The following PRUNE2 variants were observed in gnomAD, a reference collection of about 807,000 sequenced individuals.
The protein encoded by PRUNE2 is prune homolog 2 with BCH domain.
In PRUNE2, 164 loss-of-function variants were observed where a neutral mutation model predicts 252.0. That is an observed-to-expected ratio of 0.65 (90% CI 0.57 to 0.74). The LOEUF is 0.74. PRUNE2 is among the 30% of genes least tolerant of loss of function. The pLI is 0.00. For missense variants in PRUNE2, 3,495 were observed against 3,711.0 expected, an observed-to-expected ratio of 0.94 and a Z score of 1.51; for synonymous variants, 1,292 against 1,350.2, an observed-to-expected ratio of 0.96 and a Z score of 0.94.
At chr9:76,802,916 C>A (rs981063709) in intron 6 of PRUNE2, among the ~76,000 whole-genome samples, 1 of 152,132 alleles carries the variant, frequency 6.6e-6, no homozygotes, top group Non-Finnish European at 1.5e-5. Context: ...GACATCGACA[C>A]ACTTTGTTGT....
intron 6 of PRUNE2, among the ~76,000 whole-genome samples, chr9:76,760,703 T>G (rs1183356186): frequency 6.6e-6 from 1 of 152,144 alleles, no homozygotes; most frequent in Non-Finnish European, 1.5e-5. Context: ...CTATGTGTCC[T>G]TCTAGACTCA....
chr9:76,721,441 A>T (rs2047639739), intron 6 of PRUNE2, among the ~76,000 whole-genome samples: 1 of 152,204 alleles, frequency 6.6e-6, no homozygotes, highest in South Asian at 2.1e-4. Flanking sequence ...ATATTGAGTA[A>T]GACTTTTATT....
At chr9:76,669,312 T>C (rs913926762) in intron 9 of PRUNE2, among the ~76,000 whole-genome samples, 4 of 73,664 alleles carry the variant, frequency 5.4e-5, no homozygotes, top group African/African-American at 1.5e-4. Flanking sequence ...GAATGTTCTT[T>C]TCTTTTCCTT....
At chr9:76,876,750 T>C (rs970933675) in intron 1 of PRUNE2, among the ~76,000 whole-genome samples, 2 of 152,206 alleles carry the variant, frequency 1.3e-5, no homozygotes, top group African/African-American at 4.8e-5. Flanking sequence ...AAAATAACCA[T>C]TGGATCTTGG....
chr9:76,760,286 C>T (rs1371260310), intron 6 of PRUNE2, among the ~76,000 whole-genome samples: 1 of 152,140 alleles, frequency 6.6e-6, no homozygotes, highest in Non-Finnish European at 1.5e-5. Flanking sequence ...TTCTCCATCA[C>T]ACACCAGCTA....
At chr9:76,712,777 T>C (rs934936952) in intron 7 of PRUNE2, among the ~76,000 whole-genome samples, 3 of 152,102 alleles carry the variant, frequency 2.0e-5, no homozygotes, top group Non-Finnish European at 4.4e-5. Flanking sequence ...GAGGAGATGC[T>C]CTTTCACATT....
chr9:76,773,305 A>G (rs7022379), intron 6 of PRUNE2, among the ~76,000 whole-genome samples: 82,160 of 151,528 alleles, frequency 0.54, 23,866 homozygotes, highest in African/African-American at 0.76. Flanking sequence ...ATTTCTGTAA[A>G]CCCTGGGAGA....
chr9:76,748,642 A>C (rs768729174), intron 6 of PRUNE2: 1 of 152,272 alleles, frequency 6.6e-6, no homozygotes, highest in Non-Finnish European at 1.5e-5. Context: ...CACATAAATG[A>C]TATCTCCATA....
chr9:76,725,590 C>A (rs1217334261), intron 6 of PRUNE2, among the ~76,000 whole-genome samples: 1 of 152,146 alleles, frequency 6.6e-6, no homozygotes, highest in Non-Finnish European at 1.5e-5. Flanking sequence ...TATCAAGGCA[C>A]ACACCTTTCA....
intron 18 of PRUNE2, among the ~76,000 whole-genome samples, chr9:76,618,072 G>A (rs1207449063): frequency 3.3e-5 from 5 of 152,172 alleles, no homozygotes; most frequent in African/African-American, 1.2e-4. Flanking sequence ...TGGAAAAATA[G>A]CTGTGTGATT....
chr9:76,747,711 G>A (rs974495638), intron 6 of PRUNE2, among the ~76,000 whole-genome samples: 1 of 152,128 alleles, frequency 6.6e-6, no homozygotes, highest in Non-Finnish European at 1.5e-5. Flanking sequence ...TACTGCTTAA[G>A]GATGACAACA....
intron 1 of PRUNE2, among the ~76,000 whole-genome samples, chr9:76,887,343 A>G (rs2062164048): frequency 6.6e-6 from 1 of 152,146 alleles, no homozygotes; most frequent in Admixed American, 6.5e-5. Flanking sequence ...TAAGGTTTTT[A>G]ATTGGTCACA....
chr9:76,615,514 TA>T (rs1056427457), intron 18 of PRUNE2, among the ~76,000 whole-genome samples: 2 of 152,222 alleles, frequency 1.3e-5, no homozygotes. Context: ...TTTACAGTAG[TA>T]AAGTATCTTT....
chr9:76,771,661 T>C (rs1054800707), intron 6 of PRUNE2, among the ~76,000 whole-genome samples: 5 of 152,196 alleles, frequency 3.3e-5, no homozygotes, highest in Non-Finnish European at 5.9e-5. Flanking sequence ...ATTGAGTAAA[T>C]GAATTTTCAA....
At chr9:76,890,537 C>T (rs1304166849) in intron 1 of PRUNE2, among the ~76,000 whole-genome samples, 3 of 152,130 alleles carry the variant, frequency 2.0e-5, no homozygotes, top group African/African-American at 7.2e-5. Flanking sequence ...CTTCCAGGAC[C>T]CCCTGCCCCA....
At chr9:76,679,057 C>G (rs1359290620) in intron 9 of PRUNE2, among the ~76,000 whole-genome samples, 2 of 152,134 alleles carry the variant, frequency 1.3e-5, no homozygotes, top group Non-Finnish European at 2.9e-5. Flanking sequence ...TTGGCTCTGA[C>G]CTTTTAAAAT....
At chr9:76,760,188 G>C (rs1178075660) in intron 6 of PRUNE2, among the ~76,000 whole-genome samples, 1 of 152,112 alleles carries the variant, frequency 6.6e-6, no homozygotes, top group African/African-American at 2.4e-5. Flanking sequence ...GTCTGTTGAT[G>C]GTACTGCAAC....
At chr9:76,818,862 G>A (rs532198736) in intron 6 of PRUNE2, among the ~76,000 whole-genome samples, 1 of 152,246 alleles carries the variant, frequency 6.6e-6, no homozygotes, top group South Asian at 2.1e-4. Context: ...ATTAGGGGTT[G>A]AATTTTGTCC....
At chr9:76,823,396 T>C in intron 6 of PRUNE2, 1 of 477,254 alleles carries the variant, frequency 2.1e-6, no homozygotes, top group Non-Finnish European at 3.8e-6. Flanking sequence ...TTAGGCTTTG[T>C]TTTACTGAGA....
Sources: allele counts gnomAD v4.1 joint callset (sites outside exome capture counted in the v4.1 genomes callset), GRCh38; gene constraint gnomAD v4.1.1; transcripts MANE v1.5; gene names NCBI Gene and HGNC (gene_info 2026-07-23, HGNC 2026-07-21).